CLVS1: variants seen among roughly 807,000 people sequenced by gnomAD.
CLVS1 encodes the protein clavesin-1.
In CLVS1, 10 loss-of-function variants were observed where a neutral mutation model predicts 33.1. That is an observed-to-expected ratio of 0.30 (90% CI 0.19 to 0.51). The LOEUF (loss-of-function observed/expected upper bound fraction) is 0.51. CLVS1 is among the 20% of genes least tolerant of loss of function. The pLI, the probability that CLVS1 is intolerant of heterozygous loss-of-function variation, is 0.97. For synonymous variants in CLVS1, 163 were observed against 166.1 expected (o/e 0.98, Z 0.14); for missense variants, 343 against 433.4 (o/e 0.79, Z 1.85).
chr8:61,068,227 G>GTATATATATACATATATA (rs761732435), intron 1 of CLVS1, among the ~76,000 whole-genome samples: 3 of 88,302 alleles, frequency 3.4e-5, no homozygotes, highest in African/African-American at 1.2e-4. Context: ...ATGTATGTAT[G>GTATATATATACATATATA]TGTATATATA....
chr8:61,174,219 G>A (rs1807066869), intron 2 of CLVS1, among the ~76,000 whole-genome samples: 1 of 152,056 alleles, frequency 6.6e-6, no homozygotes, highest in Non-Finnish European at 1.5e-5. Context: ...AAAAAAGCAG[G>A]AAAATACAAC....
chr8:61,183,168 C>G (rs1441421747), intron 2 of CLVS1, among the ~76,000 whole-genome samples: 10 of 151,492 alleles, frequency 6.6e-5, no homozygotes, highest in Non-Finnish European at 7.4e-5. Flanking sequence ...GGGGCAGGCA[C>G]AAGTGGAGGG....
the CLVS1 span, among the ~76,000 whole-genome samples, chr8:60,975,285 C>A: frequency 4.6e-5 from 7 of 152,302 alleles, no homozygotes; most frequent in African/African-American, 1.7e-4. Flanking sequence ...ATGTTGCCTA[C>A]TTCATGGCAC....
At chr8:61,299,059 A>C (rs538622552) in intron 1 of CLVS1, among the ~76,000 whole-genome samples, 110 of 152,242 alleles carry the variant, frequency 7.2e-4, no homozygotes, top group African/African-American at 2.2e-3. Context: ...TGATTATTGG[A>C]GGTCAAGTTT....
chr8:61,337,109 C>T (rs1276846636), intron 2 of CLVS1, among the ~76,000 whole-genome samples: 5 of 152,178 alleles, frequency 3.3e-5, no homozygotes, highest in African/African-American at 4.8e-5. Context: ...CAGATTTCCA[C>T]GTTGACTACA....
chr8:61,140,523 A>T lies in CLVS1; in HGVS notation c.-152+8663A>T, dbSNP rs538324532. On this transcript the variant is annotated intron_variant, in intron 2 of 2. Transcript: ENST00000522621. Reference sequence around the variant, plus strand: ...TGGAGAACCCAAAGCATATTTAGGAATATATACTTTAATTTTTTTATTATT... The same window carrying T: ...TGGAGAACCCAAAGCATATTTAGGATTATATACTTTAATTTTTTTATTATT... Among the ~76,000 whole-genome samples the T allele has an allele frequency of 5.9e-5, 9 of 152,144 alleles. No homozygotes were observed. The South Asian group carries it at 1.9e-3, about 32-fold the overall frequency.
intron 3 of CLVS1, among the ~76,000 whole-genome samples, chr8:61,402,317 CTTGT>C (rs1363612927): frequency 6.6e-6 from 1 of 152,024 alleles, no homozygotes; most frequent in South Asian, 2.1e-4. Context: ...TCTCACAGAA[CTTGT>C]TTGTCTCTAT....
At position 61,222,283 on chromosome 8, in the gene CLVS1, A is replaced by C. The variant is rs573881594; in HGVS notation, c.-151-77394A>C. Among the ~76,000 whole-genome samples, 259 of 151,804 alleles carry C rather than the reference A, an allele frequency of 1.7e-3. 1 individual carries two copies. The highest frequency in any genetic ancestry group is 3.0e-3 in the Non-Finnish European group (203 of 67,944). On this transcript the variant is annotated intron_variant, in intron 2 of 2. Transcript: ENST00000522621. ...TTTTAATTGTGATGTTAGGGTGTCA[A>C]TTTGAGATTTTTCTGGCTTTCTGAT...
At chr8:61,167,441 C>T (rs1237193550) in intron 2 of CLVS1, among the ~76,000 whole-genome samples, 2 of 152,112 alleles carry the variant, frequency 1.3e-5, no homozygotes, top group African/African-American at 4.8e-5. Flanking sequence ...CTCGGCCTCC[C>T]AAAGTGCTGG....
At chr8:61,060,894 G>A (rs1455166973) in intron 1 of CLVS1, among the ~76,000 whole-genome samples, 1 of 152,190 alleles carries the variant, frequency 6.6e-6, no homozygotes, top group East Asian at 1.9e-4. Flanking sequence ...AAACTCTGCT[G>A]CCTTTCATGG....
chr8:61,377,037 G>C (rs540454790), intron 3 of CLVS1: 1 of 374,892 alleles, frequency 2.7e-6, no homozygotes, highest in African/African-American at 2.1e-5. Context: ...AAAGCTCCAA[G>C]ATGTTCGGCT....
the CLVS1 span, among the ~76,000 whole-genome samples, chr8:61,022,240 A>C: frequency 6.6e-6 from 1 of 152,218 alleles, no homozygotes; most frequent in Non-Finnish European, 1.5e-5. Context: ...GGAGACTTTC[A>C]GGTAATTAGG....
the CLVS1 span, among the ~76,000 whole-genome samples, chr8:61,005,812 C>G: frequency 6.6e-6 from 1 of 152,170 alleles, no homozygotes; most frequent in South Asian, 2.1e-4. Flanking sequence ...GAAATGCTCT[C>G]AAGAAACAGC....
intron 2 of CLVS1, among the ~76,000 whole-genome samples, chr8:61,331,711 C>A (rs1406608053): frequency 6.6e-6 from 1 of 152,058 alleles, no homozygotes; most frequent in Admixed American, 6.6e-5. Flanking sequence ...GCTTTTCCCC[C>A]ACAGATGCAG....
At position 61,450,670 on chromosome 8, in the gene CLVS1, C is replaced by T. The variant is rs147430212; in HGVS notation, c.631-3471C>T. Among the ~76,000 whole-genome samples, 1,123 of 152,148 alleles carry T rather than the reference C, an allele frequency of 7.4e-3. 15 individuals carry two copies. The highest frequency in any genetic ancestry group is 0.025 in the African/African-American group (1,056 of 41,504). ...TGCTGTTTTCAGTTGTCCCCACTGC[C>T]CTGAAGACTCTATATTTGTATTTTT... On this transcript the variant is annotated intron_variant, in intron 3 of 5. Transcript: ENST00000325897.
At chr8:61,499,066 A>C (rs1036273940) in intron 5 of CLVS1, among the ~76,000 whole-genome samples, 1 of 152,254 alleles carries the variant, frequency 6.6e-6, no homozygotes, top group African/African-American at 2.4e-5. Context: ...AGATTATTCC[A>C]GTACTCCAAA....
chr8:61,300,303 T>C, intron 2 of CLVS1, 21 bp downstream of exon 2: 1 of 1,585,060 alleles, frequency 6.3e-7, no homozygotes, highest in Non-Finnish European at 8.6e-7. Flanking sequence ...ATAGTGTCTT[T>C]ACTTGGTTTT....
intron 3 of CLVS1, among the ~76,000 whole-genome samples, chr8:61,400,760 C>T (rs190189965): frequency 7.2e-5 from 11 of 152,116 alleles, no homozygotes; most frequent in Admixed American, 2.6e-4. Flanking sequence ...TGAATTTTAT[C>T]GAAGGCCTTT....
In CLVS1 at chr8:61,064,866, T is replaced by C. The variant is rs189439713; in HGVS notation, c.-243+7636T>C. On this transcript the variant is annotated intron_variant, in intron 1 of 2. Coordinates refer to the CLVS1 transcript ENST00000522621. ...ACAGGTGCCCGCCACCACGCCTGGC[T>C]AATTTTTTATATTTTTAGTAGAGAC... Among the ~76,000 whole-genome samples, 71 of 152,284 alleles carry C rather than the reference T, an allele frequency of 4.7e-4. 1 individual carries two copies. The highest frequency in any genetic ancestry group is 1.5e-3 in the African/African-American group (64 of 41,540).
Sources: allele counts gnomAD v4.1 joint callset (sites outside exome capture counted in the v4.1 genomes callset), GRCh38; gene constraint gnomAD v4.1.1; transcripts MANE v1.5; gene names NCBI Gene and HGNC (gene_info 2026-07-23, HGNC 2026-07-21).